Variants in UCHL3 observed in about 807,000 individuals in gnomAD.
UCHL3 encodes ubiquitin carboxyl-terminal hydrolase isozyme L3.
Under a neutral mutation model 35.8 loss-of-function variants are expected in UCHL3, and 22 were observed. The observed-to-expected ratio is 0.61, with a 90% CI of 0.44 to 0.88. The LOEUF is 0.88. Ranked by LOEUF, UCHL3 falls within the 40% of genes least tolerant of loss-of-function variation. The pLI, the probability that UCHL3 is intolerant of heterozygous loss-of-function variation, is 0.00. For synonymous variants in UCHL3, 90 were observed against 92.8 expected, an observed-to-expected ratio of 0.97 and a Z score of 0.17; for missense variants, 229 against 276.9, an observed-to-expected ratio of 0.83 and a Z score of 1.23.
chr13:75,555,001 T>C (rs373713669), intron 2 of UCHL3, among the ~76,000 whole-genome samples: 5 of 152,234 alleles, frequency 3.3e-5, no homozygotes, highest in East Asian at 3.9e-4. Context: ...GGTATTTGGT[T>C]TTCTGTTCTT....
intron 2 of UCHL3, among the ~76,000 whole-genome samples, chr13:75,551,832 A>T (rs539351324): frequency 1.3e-5 from 2 of 152,340 alleles, no homozygotes; most frequent in Admixed American, 1.3e-4. Context: ...TTAATATTTT[A>T]GGGGCACCTT....
At chr13:75,570,781 A>G (rs957744570) in intron 6 of UCHL3, among the ~76,000 whole-genome samples, 3 of 152,114 alleles carry the variant, frequency 2.0e-5, no homozygotes, top group African/African-American at 7.2e-5. Context: ...GTGGTGGTGC[A>G]TGCACCTGTA....
Position 75,604,761 on chromosome 13 carries a change from T to G in UCHL3, c.551-8T>G. On this transcript the variant is annotated splice_polypyrimidine_tract_variant and splice_region_variant and intron_variant, in intron 7 of 8. Transcript: ENST00000377595. ...CTAAGCATTCAATTGTTTGTCTGTTTTCCACAGATGGGCGGAAGCCATTTC... is the reference window on the plus strand; with the variant it reads ...CTAAGCATTCAATTGTTTGTCTGTTGTCCACAGATGGGCGGAAGCCATTTC... 1 of 1,594,578 alleles carries G rather than the reference T, an allele frequency of 6.3e-7. No individual in the cohort carries two copies. Among genetic ancestry groups the G allele is most frequent in the South Asian group, 1.1e-5 (1 of 87,632 alleles).
Position 75,560,797 on chromosome 13 carries a change from T to C in UCHL3, c.99T>C (p.Asp33=), listed in dbSNP as rs752958414. 15 of 1,602,156 alleles carry C rather than the reference T, an allele frequency of 9.4e-6. No homozygotes were observed. Among genetic ancestry groups the C allele is most frequent in the Non-Finnish European group, 1.2e-5 (14 of 1,176,174 alleles). ...TACATCCTAACTGGCAATTCGTTGA[T>C]GTATATGGAATGGATCCTGAACTCC... ...LGLHPNWQFV[D]VYGMDPELLS... Residue 33 remains aspartate, a synonymous_variant, in exon 3 of 9, where the codon GAT becomes GAC. Coordinates refer to ENST00000377595, the MANE Select transcript of UCHL3 (RefSeq NM_006002.5).
intron 6 of UCHL3, among the ~76,000 whole-genome samples, chr13:75,582,710 G>A (rs564865875): frequency 9.9e-5 from 15 of 152,146 alleles, no homozygotes; most frequent in Non-Finnish European, 1.9e-4. Flanking sequence ...TCAAGATTCA[G>A]CTCACAGTTT....
rs113797877 is a variant in UCHL3, at chr13:75,569,916, C to T, written c.474+409C>T. On this transcript the variant is annotated intron_variant, in intron 6 of 8. Transcript: ENST00000377595. ...GCAGAAAACCACATCATTTTCTTTG[C>T]TCAATAAATTTGTTTCAGGGTAATG... 1.2e-3 allele frequency among the ~76,000 whole-genome samples: 181 copies of T among 152,348 alleles called. 2 individuals carry two copies. Among genetic ancestry groups the T allele is most frequent in the African/African-American group, 4.1e-3 (169 of 41,578 alleles).
At chr13:75,568,440 G>A (rs1372602572) in intron 5 of UCHL3, among the ~76,000 whole-genome samples, 1 of 151,402 alleles carries the variant, frequency 6.6e-6, no homozygotes, top group Non-Finnish European at 1.5e-5. Context: ...TCTTACTAAT[G>A]AGAGGTAGAT....
intron 5 of UCHL3, 34 bp from the exon 6 acceptor site, chr13:75,569,426 T>C (rs922106777): frequency 1.3e-6 from 2 of 1,555,018 alleles, no homozygotes; most frequent in Admixed American, 4.0e-5. Flanking sequence ...AGTATAGGCA[T>C]TTTTTCCAAT....
intron 6 of UCHL3, among the ~76,000 whole-genome samples, chr13:75,580,698 GCTAA>G (rs961075435): frequency 6.6e-6 from 1 of 152,080 alleles, no homozygotes; most frequent in African/African-American, 2.4e-5. Flanking sequence ...TATGGGGCAG[GCTAA>G]CTAAGTGCTG....
chr13:75,600,574 A>G (rs1443252628), intron 7 of UCHL3, among the ~76,000 whole-genome samples: 1 of 152,234 alleles, frequency 6.6e-6, no homozygotes, highest in Non-Finnish European at 1.5e-5. Flanking sequence ...ATATCTATTT[A>G]TAGCCTGGAT....
chr13:75,560,961 C>T (rs1259235056), intron 3 of UCHL3, 80 bp downstream of exon 3: 17 of 1,316,236 alleles, frequency 1.3e-5, no homozygotes, highest in Admixed American at 3.0e-5. Flanking sequence ...GGCAGTATCT[C>T]GCTCTGTTGC....
chr13:75,604,879 A>G, intron 8 of UCHL3, 52 bp downstream of exon 8: 1 of 1,467,202 alleles, frequency 6.8e-7, no homozygotes, highest in Non-Finnish European at 9.3e-7. Context: ...TCATCTTTAA[A>G]ACATCTCTAA....
At chr13:75,550,725 T>G (rs1273760296) in intron 2 of UCHL3, among the ~76,000 whole-genome samples, 138 of 151,680 alleles carry the variant, frequency 9.1e-4, no homozygotes, top group African/African-American at 3.2e-3. Flanking sequence ...ACCCTGTTTT[T>G]TTTTTTTTTT....
chr13:75,566,670 A>G, intron 3 of UCHL3, 25 bp from the exon 4 acceptor site: 1 of 1,264,134 alleles, frequency 7.9e-7, no homozygotes, highest in Non-Finnish European at 1.0e-6. Flanking sequence ...CCACAAATAC[A>G]CTGTTGACTT....
chr13:75,579,514 T>G (rs1465371078), intron 6 of UCHL3, among the ~76,000 whole-genome samples: 2 of 151,986 alleles, frequency 1.3e-5, no homozygotes, highest in East Asian at 3.8e-4. Flanking sequence ...ATAGAGGCCT[T>G]CCCTTTCCCC....
chr13:75,588,611 A>G (rs933552507), intron 6 of UCHL3, among the ~76,000 whole-genome samples: 6 of 152,178 alleles, frequency 3.9e-5, no homozygotes, highest in African/African-American at 1.2e-4. Context: ...CATCAAAATG[A>G]TAGCTTTTTT....
chr13:75,555,419 C>T (rs1378253919), intron 2 of UCHL3, among the ~76,000 whole-genome samples: 2 of 152,156 alleles, frequency 1.3e-5, no homozygotes, highest in Non-Finnish European at 2.9e-5. Flanking sequence ...AGCAGGGATG[C>T]GTCTGAAGTA....
chr13:75,592,453 T>TATATATATATATGTATATATGTATATAC (rs2032530456), intron 6 of UCHL3, among the ~76,000 whole-genome samples: 6 of 102,200 alleles, frequency 5.9e-5, no homozygotes, highest in African/African-American at 2.0e-4. Context: ...TATATATATA[T>TATATATATATATGTATATATGTATATAC]ATATATATAT....
At chr13:75,552,762 A>G (rs1452818203) in intron 2 of UCHL3, among the ~76,000 whole-genome samples, 1 of 152,216 alleles carries the variant, frequency 6.6e-6, no homozygotes, top group African/African-American at 2.4e-5. Context: ...ACAGATAATT[A>G]AACATCAAGA....
Sources: allele counts gnomAD v4.1 joint callset (sites outside exome capture counted in the v4.1 genomes callset), GRCh38; gene constraint gnomAD v4.1.1; transcripts MANE v1.5; gene names NCBI Gene and HGNC (gene_info 2026-07-23, HGNC 2026-07-21).